Variants in NRXN1 observed in about 807,000 individuals in gnomAD.
The protein encoded by NRXN1 is neurexin 1.
Under a neutral mutation model 150.9 loss-of-function variants are expected in NRXN1, and 39 were observed. The ratio of observed to expected loss-of-function variants is 0.26; its 90% CI spans 0.20 to 0.34. NRXN1 has a LOEUF of 0.34. Among genes scored for constraint, NRXN1 ranks in the 10% least tolerant of loss-of-function variants. The pLI, the probability that NRXN1 is intolerant of heterozygous loss-of-function variation, is 1.00. For synonymous variants in NRXN1, 924 were observed against 757.0 expected (o/e 1.22, Z -3.62); for missense variants, 1,815 against 1,949.9 (o/e 0.93, Z 1.30).
chr2:50,346,743 A>G lies in NRXN1; in HGVS notation c.3365-109773T>C. 2 of 1,613,824 alleles carry G rather than the reference A, an allele frequency of 1.2e-6. No individual in the cohort carries two copies. The highest frequency in any genetic ancestry group is 1.7e-6 in the Non-Finnish European group (2 of 1,179,878). ...ACCTGTAGATTGCAATAGGCACTGA[A>G]TGATGCTTGCTGCTGCCATGGAAAT... On this transcript the variant is annotated intron_variant, in intron 17 of 22. Transcript: ENST00000401669. This position sits in a 1 kb window ranked among gnomAD's most constrained non-coding sequence, Gnocchi z 5.0.
At chr2:50,426,685 T>G (rs2104323175) in intron 17 of NRXN1, among the ~76,000 whole-genome samples, 1 of 152,292 alleles carries the variant, frequency 6.6e-6, no homozygotes, top group African/African-American at 2.4e-5. Context: ...CAGTTATTTT[T>G]GTTGCATTCG....
At chr2:50,107,184 A>T (rs1005641449) in intron 18 of NRXN1, among the ~76,000 whole-genome samples, 4 of 151,392 alleles carry the variant, frequency 2.6e-5, no homozygotes, top group African/African-American at 7.3e-5. Context: ...TGTTGAATTT[A>T]TCTATTTCTG....
At chr2:50,822,450 T>C (rs889595259) in intron 5 of NRXN1, among the ~76,000 whole-genome samples, 14 of 152,148 alleles carry the variant, frequency 9.2e-5, no homozygotes, top group African/African-American at 3.4e-4. Context: ...AATATTTTTC[T>C]GCAGAAAATA....
At chr2:50,770,854 C>T (rs1702933564) in intron 5 of NRXN1, among the ~76,000 whole-genome samples, 1 of 151,994 alleles carries the variant, frequency 6.6e-6, no homozygotes, top group Non-Finnish European at 1.5e-5. Context: ...GCCATTTTCA[C>T]TTTAAAGGGA....
At chr2:50,629,719 T>A (rs544425443) in intron 5 of NRXN1, among the ~76,000 whole-genome samples, 19 of 151,816 alleles carry the variant, frequency 1.3e-4, no homozygotes, top group South Asian at 2.1e-4. Flanking sequence ...ACACTATTCC[T>A]ATTAATGCTA....
At chr2:50,237,049 C>G in intron 17 of NRXN1, 79 bp from the exon 18 acceptor site, 2 of 1,332,936 alleles carry the variant, frequency 1.5e-6, no homozygotes, top group East Asian at 4.6e-5. Context: ...ATTGATATAT[C>G]AGTAAAGTAT....
chr2:49,947,476 C>A (rs956089423), intron 21 of NRXN1, among the ~76,000 whole-genome samples: 12 of 148,848 alleles, frequency 8.1e-5, no homozygotes, highest in Admixed American at 8.1e-4. Context: ...TTTCCTCTTC[C>A]TCTCTTCTCC....
intron 5 of NRXN1, among the ~76,000 whole-genome samples, chr2:50,779,649 T>C (rs1704094078): frequency 6.6e-6 from 1 of 152,056 alleles, no homozygotes; most frequent in Non-Finnish European, 1.5e-5. Flanking sequence ...GTGCCTGTAG[T>C]CCCAGCTACT....
chr2:50,129,784 G>A (rs1031244357), intron 18 of NRXN1, among the ~76,000 whole-genome samples: 2 of 152,018 alleles, frequency 1.3e-5, no homozygotes, highest in African/African-American at 4.8e-5. Context: ...AGCCACTTTG[G>A]CCACTCCAAA....
intron 9 of NRXN1, among the ~76,000 whole-genome samples, chr2:50,544,106 T>A (rs2093443172): frequency 6.6e-6 from 1 of 152,120 alleles, no homozygotes; most frequent in Admixed American, 6.5e-5. Flanking sequence ...ATGTCAATTT[T>A]ATCTATACTT....
At position 50,373,659 on chromosome 2, in the gene NRXN1, AAAG is replaced by A. The variant is rs1406518665; in HGVS notation, c.3364+91780_3364+91782del. ...GAAAGAAAGAAAGAAAGAAAGAAAG[AAAG>A]AAAGAAAGAAAGAAAGAAAAGAAAG... On this transcript the variant is annotated intron_variant, in intron 17 of 22. Coordinates refer to ENST00000401669, the MANE Select transcript of NRXN1 (RefSeq NM_001330078.2). Among the ~76,000 whole-genome samples the A allele has an allele frequency of 2.6e-3, 249 of 97,182 alleles. 1 individual carries two copies. Among genetic ancestry groups the A allele is most frequent in the African/African-American group, 7.2e-3 (166 of 22,908 alleles). The allele number at this position is 97,182 out of a possible 152,430, so 63.8% of individuals were successfully genotyped here.
chr2:50,528,245 T>TA (rs1373619790), intron 12 of NRXN1, among the ~76,000 whole-genome samples: 1 of 151,748 alleles, frequency 6.6e-6, no homozygotes, highest in African/African-American at 2.4e-5. Flanking sequence ...TTAAGTATTT[T>TA]TTTTTGTATT....
At chr2:50,342,380 T>C (rs1290508890) in intron 17 of NRXN1, among the ~76,000 whole-genome samples, 1 of 152,242 alleles carries the variant, frequency 6.6e-6, no homozygotes, top group Non-Finnish European at 1.5e-5. Context: ...AGTGTCTGTT[T>C]CAGCAGAACA....
intron 5 of NRXN1, among the ~76,000 whole-genome samples, chr2:50,851,753 A>G (rs1674549912): frequency 6.6e-6 from 1 of 152,214 alleles, no homozygotes; most frequent in African/African-American, 2.4e-5. Flanking sequence ...AAAAAAAAAT[A>G]GAACAAAAAC....
In NRXN1 at chr2:49,942,351, C is replaced by T. The variant is rs1043577239; in HGVS notation, c.4216+1353G>A. Among the ~76,000 whole-genome samples, 21 of 152,116 alleles carry T rather than the reference C, an allele frequency of 1.4e-4. 1 individual carries two copies. The highest frequency in any genetic ancestry group is 2.5e-4 in the Non-Finnish European group (17 of 68,024). On this transcript the variant is annotated intron_variant, in intron 22 of 22. Coordinates refer to ENST00000401669, the MANE Select transcript of NRXN1 (RefSeq NM_001330078.2). ...GCAGCTGCTCTCTAAGCGCTACAGTCAGTGGTTACAATCAGTGGGGGAAGT... is the reference window on the plus strand; with the variant it reads ...GCAGCTGCTCTCTAAGCGCTACAGTTAGTGGTTACAATCAGTGGGGGAAGT...
intron 18 of NRXN1, among the ~76,000 whole-genome samples, chr2:50,212,276 G>GA (rs1302393665): frequency 1.7e-5 from 2 of 120,426 alleles, no homozygotes; most frequent in South Asian, 2.7e-4. Context: ...TCATGGTAGT[G>GA]AAAAAAATAT....
intron 17 of NRXN1, among the ~76,000 whole-genome samples, chr2:50,412,630 T>G (rs949934161): frequency 6.6e-6 from 1 of 152,292 alleles, no homozygotes; most frequent in East Asian, 1.9e-4. Flanking sequence ...TTGCTTATTT[T>G]TGTGGTAAGC....
chr2:50,819,684 GT>G (rs368774625), intron 5 of NRXN1, among the ~76,000 whole-genome samples: 15 of 151,040 alleles, frequency 9.9e-5, no homozygotes, highest in South Asian at 8.4e-4. Context: ...TACATGTTAT[GT>G]TTTTTTTTAA....
At chr2:50,826,804 G>C (rs1416621290) in intron 5 of NRXN1, among the ~76,000 whole-genome samples, 1 of 152,204 alleles carries the variant, frequency 6.6e-6, no homozygotes, top group Non-Finnish European at 1.5e-5. Flanking sequence ...GAAAGGTCAA[G>C]CAGAGGGTTT....
Sources: gnomAD v4.1 joint callset for allele counts (sites outside exome capture counted in the v4.1 genomes callset) on GRCh38, gnomAD v4.1.1 for gene constraint, Gnocchi (gnomAD v3.1) non-coding constraint, MANE v1.5 for transcripts, NCBI Gene and HGNC (gene_info 2026-07-23, HGNC 2026-07-21) for gene names.